C4orf50: variants seen among roughly 807,000 people sequenced by gnomAD.
C4orf50 encodes the protein uncharacterized protein C4orf50.
C4orf50 carries 80 observed loss-of-function variants against 77.2 expected under a neutral mutation model. That is an observed-to-expected ratio of 1.04 (90% CI 0.87 to 1.25). The LOEUF is 1.25. Among genes scored for constraint, C4orf50 ranks in the 50% most tolerant of loss-of-function variants. The pLI is 0.00. For synonymous variants in C4orf50, 532 were observed against 465.3 expected, an observed-to-expected ratio of 1.14 and a Z score of -1.84; for missense variants, 1,257 against 1,152.9, an observed-to-expected ratio of 1.09 and a Z score of -1.31.
intron 26 of C4orf50, among the ~76,000 whole-genome samples, chr4:5,993,857 T>TAA (rs10708646): frequency 1.4e-5 from 2 of 144,320 alleles, no homozygotes; most frequent in Non-Finnish European, 3.1e-5. Context: ...TAAAAATAAA[T>TAA]AAAAAAAAAA....
intron 7 of C4orf50, among the ~76,000 whole-genome samples, chr4:5,935,804 A>AT (rs1331444958): frequency 1.3e-5 from 2 of 148,266 alleles, no homozygotes; most frequent in Non-Finnish European, 3.0e-5. Flanking sequence ...AAAAAAAAAA[A>AT]AAAAAAGCCC....
Position 5,975,809 on chromosome 4 carries a change from T to G in C4orf50, c.3921+90A>C, listed in dbSNP as rs147684464. 4.5e-5 allele frequency: 46 copies of G among 1,032,310 alleles called. No homozygotes were observed. The African/African-American group carries it at 5.3e-4, about 12-fold the overall frequency. The allele number at this position is 1,032,310 out of a possible 1,614,324, so 63.9% of individuals were successfully genotyped here. A position where few individuals can be genotyped will look rare whatever the true frequency, so the allele number is the denominator to read the frequency against. ...TGGCCCTACCCAGACTTTTATACAA[T>G]AGAGGTGGATTACATGTCTAACAGG... On this transcript the variant is annotated intron_variant, in intron 30 of 33. Coordinates refer to ENST00000531445, the Ensembl canonical transcript of C4orf50.
intron 7 of C4orf50, among the ~76,000 whole-genome samples, chr4:5,949,171 G>T (rs946704324): frequency 1.3e-5 from 2 of 152,096 alleles, no homozygotes; most frequent in African/African-American, 4.8e-5. Context: ...CAAGACCCCC[G>T]CCCTGCGCCC....
At chr4:5,973,620 C>T (rs1222341985) in intron 31 of C4orf50, 39 bp downstream of exon 9, 1 of 1,557,964 alleles carries the variant, frequency 6.4e-7, no homozygotes, top group Non-Finnish European at 8.8e-7. Context: ...GCCCACACTC[C>T]CATAGGAAGC....
chr4:5,976,965 T>C (rs1245499531), intron 29 of C4orf50, among the ~76,000 whole-genome samples: 2 of 152,346 alleles, frequency 1.3e-5, no homozygotes, highest in African/African-American at 2.4e-5. Context: ...TGGCACTGAA[T>C]AGGACTGGCA....
chr4:5,944,653 A>G (rs538969870), intron 7 of C4orf50, among the ~76,000 whole-genome samples: 2 of 152,174 alleles, frequency 1.3e-5, no homozygotes, highest in Admixed American at 1.3e-4. Context: ...GATGGAGGAT[A>G]AAGATTTAGC....
At chr4:5,942,219 G>A (rs778068801) in intron 7 of C4orf50, among the ~76,000 whole-genome samples, 203 of 152,222 alleles carry the variant, frequency 1.3e-3, no homozygotes, top group Non-Finnish European at 1.6e-3. Context: ...AACAATCAAC[G>A]CCAGACAAAT....
In C4orf50 at chr4:5,963,368, T is replaced by A. The variant is rs571394405; in HGVS notation, c.4275+1656A>T. 7.9e-5 allele frequency among the ~76,000 whole-genome samples: 12 copies of A among 152,274 alleles called. No homozygotes were observed. In the South Asian group the frequency reaches 1.9e-3, roughly 24 times the overall value. On this transcript the variant is annotated intron_variant, in intron 33 of 33. Coordinates refer to ENST00000531445, the Ensembl canonical transcript of C4orf50. ...AAATCAGAGGTAATTATCCTAGGAA[T>A]GATCAAAGCTTTGTTTTTATTACTA...
chr4:5,917,246 G>A (rs955574281), intron 7 of C4orf50, among the ~76,000 whole-genome samples: 7 of 152,136 alleles, frequency 4.6e-5, no homozygotes, highest in Non-Finnish European at 8.8e-5. Context: ...CCAGCCTGGG[G>A]CTGCAAAAGC....
chr4:6,011,114 G>T lies in C4orf50; in HGVS notation c.426+716C>A, dbSNP rs1298275311. On this transcript the variant is annotated intron_variant, in intron 24 of 33. Transcript: ENST00000531445. This position sits in a 1 kb window ranked among gnomAD's most constrained non-coding sequence, Gnocchi z 4.2. ...AGAGAGCTCTCGAACTTCTCCCCCT[G>T]CCTCCATCATCTCTCTCTCCCATGC... Among the ~76,000 whole-genome samples the T allele has an allele frequency of 5.3e-5, 8 of 151,972 alleles. No individual in the cohort carries two copies. The highest frequency in any genetic ancestry group is 1.0e-4 in the Non-Finnish European group (7 of 67,988).
In C4orf50 at chr4:5,907,972, C is replaced by T. The variant is rs1025234841; in HGVS notation, c.*2475-9784G>A. Among the ~76,000 whole-genome samples the T allele has an allele frequency of 6.1e-4, 93 of 152,186 alleles. 1 individual carries two copies. The highest frequency in any genetic ancestry group is 2.1e-3 in the African/African-American group (89 of 41,440). On this transcript the variant is annotated intron_variant, in intron 7 of 7. Coordinates refer to the C4orf50 transcript ENST00000324058. ...AGAATCAGCTCAGAAAGCTGGTTAA[C>T]AGGAGACATATTTCAGTTGAAGGTA...
chr4:5,967,291 G>C (rs984131732), intron 32 of C4orf50, 123 bp downstream of exon 10: 2 of 789,858 alleles, frequency 2.5e-6, no homozygotes, highest in African/African-American at 3.4e-5. Context: ...GGTGGGTCCT[G>C]TTCCTTTTAG....
intron 7 of C4orf50, among the ~76,000 whole-genome samples, chr4:5,914,544 G>A (rs1716953780): frequency 6.6e-6 from 1 of 152,042 alleles, no homozygotes; most frequent in Non-Finnish European, 1.5e-5. Context: ...TTTTCTCTGT[G>A]TTCTAGTTTT....
chr4:5,917,775 A>G (rs1717094182), intron 7 of C4orf50, among the ~76,000 whole-genome samples: 1 of 151,990 alleles, frequency 6.6e-6, no homozygotes, highest in African/African-American at 2.4e-5. Context: ...CCAACCCCAG[A>G]AGGCATTTAA....
rs1289106396 is a variant in C4orf50, at chr4:6,008,202, C to G, written c.757G>C (p.Glu253Gln). 2.5e-6 allele frequency: 1 copy of G among 397,850 alleles called. No individual in the cohort carries two copies. 24.6% of individuals were successfully genotyped at this position (397,850 alleles called of 1,614,324 possible). ...AGGCTGCGCGCCGCCTCTTCCCGCT[C>G]GCGCTCGCTGCGCTCTGCCCTCGCC... Residue 253 changes from glutamate (E) to glutamine (Q), a missense_variant, in exon 25 of 34, where the codon GAG becomes CAG. Physicochemically the swap from Glu to Gln is conservative, Grantham distance 29. Coordinates refer to ENST00000531445, the Ensembl canonical transcript of C4orf50. This position sits in a 1 kb window ranked among gnomAD's most constrained non-coding sequence, Gnocchi z 6.0.
At chr4:6,006,243 G>T (rs1560600774) in intron 25 of C4orf50, among the ~76,000 whole-genome samples, 1 of 152,148 alleles carries the variant, frequency 6.6e-6, no homozygotes, top group African/African-American at 2.4e-5. Context: ...TAAATGGATT[G>T]TCCAGGTTTA....
At chr4:5,927,595 G>C (rs190920369) in intron 7 of C4orf50, among the ~76,000 whole-genome samples, 1 of 151,804 alleles carries the variant, frequency 6.6e-6, no homozygotes, top group South Asian at 2.1e-4. Context: ...AGATCTGATG[G>C]TTTGAAAGTG....
intron 33 of C4orf50, among the ~76,000 whole-genome samples, chr4:5,964,611 T>C (rs767890950): frequency 6.6e-6 from 1 of 151,700 alleles, no homozygotes; most frequent in Non-Finnish European, 1.5e-5. Context: ...CTACTAAAAA[T>C]ACAAAAATTA....
chr4:5,940,678 A>C (rs1328855029), intron 7 of C4orf50, among the ~76,000 whole-genome samples: 1 of 152,314 alleles, frequency 6.6e-6, no homozygotes, highest in East Asian at 1.9e-4. Context: ...TCCCAGCTAG[A>C]GGTGGAGTCT....
Sources: allele counts gnomAD v4.1 joint callset (sites outside exome capture counted in the v4.1 genomes callset), GRCh38; gene constraint gnomAD v4.1.1; non-coding constraint Gnocchi (gnomAD v3.1); transcripts MANE v1.5; gene names NCBI Gene and HGNC (gene_info 2026-07-23, HGNC 2026-07-21).